Variants in SOX5 observed in about 807,000 individuals in gnomAD.
SOX5 encodes the protein SRY-box transcription factor 5, also known as transcription factor SOX-5.
A neutral mutation model predicts 92.0 loss-of-function variants in SOX5; 9 were observed. The observed-to-expected ratio is 0.10, with a 90% CI of 0.06 to 0.17. The LOEUF (loss-of-function observed/expected upper bound fraction) is 0.17, where lower values mean the gene tolerates loss of function less well. Ranked by LOEUF, SOX5 falls within the 10% of genes least tolerant of loss-of-function variation. SOX5 has a pLI of 1.00. For missense variants in SOX5, 642 were observed against 944.5 expected (o/e 0.68, Z 4.20); for synonymous variants, 344 against 336.3 (o/e 1.02, Z -0.25).
chr12:23,949,077 T>C lies in SOX5; in HGVS notation c.38+487A>G, dbSNP rs182705323. On this transcript the variant is annotated intron_variant, in intron 1 of 14. Transcript: ENST00000451604. ...ATCAACAAAAGGTCATGTGCTTTAC[T>C]GAGCAGCTTCCAAAGTTTTACGGAA... 9.8e-5 allele frequency among the ~76,000 whole-genome samples: 15 copies of C among 152,308 alleles called. No individual in the cohort carries two copies. The East Asian group carries it at 2.9e-3, about 29-fold the overall frequency.
At chr12:23,741,288 T>A (rs1205114824) in intron 4 of SOX5, among the ~76,000 whole-genome samples, 5 of 152,214 alleles carry the variant, frequency 3.3e-5, no homozygotes, top group African/African-American at 1.2e-4. Context: ...TGAAATTCCA[T>A]AATGACCAAA....
chr12:23,974,092 A>G (rs567851148), intron 4 of SOX5, among the ~76,000 whole-genome samples: 8 of 152,320 alleles, frequency 5.3e-5, no homozygotes, highest in African/African-American at 1.4e-4. Context: ...GTAAGAGATT[A>G]ATAACTAATA....
chr12:23,794,205 GGTTT>G (rs774297397), intron 3 of SOX5, among the ~76,000 whole-genome samples: 6 of 151,864 alleles, frequency 4.0e-5, no homozygotes, highest in Non-Finnish European at 7.4e-5. Flanking sequence ...GCTGTTTACT[GGTTT>G]ATTTTAGTGA....
intron 4 of SOX5, among the ~76,000 whole-genome samples, chr12:24,156,987 T>A (rs1952245066): frequency 6.6e-6 from 1 of 152,154 alleles, no homozygotes; most frequent in Admixed American, 6.6e-5. Context: ...TGTTTGTCCA[T>A]GATGATTACA....
chr12:24,533,088 T>A (rs1483103302), intron 1 of SOX5, among the ~76,000 whole-genome samples: 1 of 152,212 alleles, frequency 6.6e-6, no homozygotes, highest in Non-Finnish European at 1.5e-5. Flanking sequence ...TTTCAATACA[T>A]TATTTGTTTT....
At chr12:24,488,543 A>C (rs894357379) in intron 1 of SOX5, among the ~76,000 whole-genome samples, 2 of 152,176 alleles carry the variant, frequency 1.3e-5, no homozygotes, top group African/African-American at 4.8e-5. Context: ...CTATGATGGC[A>C]CCACTGCACT....
chr12:23,740,435 A>G (rs1018020417), intron 5 of SOX5, among the ~76,000 whole-genome samples: 6 of 152,168 alleles, frequency 3.9e-5, no homozygotes, highest in African/African-American at 1.4e-4. Flanking sequence ...TTAAAGTATT[A>G]TAATGGCCTT....
chr12:24,309,179 C>T (rs113524027), intron 2 of SOX5, among the ~76,000 whole-genome samples: 3 of 152,304 alleles, frequency 2.0e-5, no homozygotes, highest in African/African-American at 7.2e-5. Flanking sequence ...CTTGGGGAGC[C>T]TCCATCTCAA....
Position 23,624,575 on chromosome 12 carries a change from G to A in SOX5, c.1017+16237C>T, listed in dbSNP as rs192462126. ...AAAGCAGTTATAAAATGGAGGGAGC[G>A]AAAGAACACCTATTACAATGTAAGA... is the stretch of plus-strand genomic sequence containing the variant. On this transcript the variant is annotated intron_variant, in intron 8 of 14. Coordinates refer to ENST00000451604, the MANE Select transcript of SOX5 (RefSeq NM_006940.6). Among the ~76,000 whole-genome samples the A allele has an allele frequency of 7.1e-3, 1,079 of 152,204 alleles. 9 individuals are homozygous for A. The highest frequency in any genetic ancestry group is 0.023 in the African/African-American group (964 of 41,502).
intron 4 of SOX5, among the ~76,000 whole-genome samples, chr12:24,031,320 T>C (rs1052358678): frequency 2.0e-5 from 3 of 151,736 alleles, no homozygotes; most frequent in Non-Finnish European, 4.4e-5. Flanking sequence ...CAGTGGTAGA[T>C]GAATGGATAA....
chr12:23,721,037 G>A (rs1031328203), intron 6 of SOX5, among the ~76,000 whole-genome samples: 3 of 151,840 alleles, frequency 2.0e-5, no homozygotes, highest in African/African-American at 4.8e-5. Context: ...AAGCTGGACC[G>A]AATTATCTCT....
At chr12:24,552,213 C>A (rs1473344113) in intron 1 of SOX5, among the ~76,000 whole-genome samples, 1 of 151,024 alleles carries the variant, frequency 6.6e-6, no homozygotes, top group Non-Finnish European at 1.5e-5. Flanking sequence ...ACCACATTAT[C>A]AAAAAAAAAG....
At chr12:24,310,756 A>T (rs907409634) in intron 2 of SOX5, among the ~76,000 whole-genome samples, 1 of 152,230 alleles carries the variant, frequency 6.6e-6, no homozygotes, top group Admixed American at 6.5e-5. Flanking sequence ...CAGTATGGTC[A>T]AGTCATATGA....
At chr12:23,775,231 T>C (rs999913577) in intron 3 of SOX5, among the ~76,000 whole-genome samples, 1 of 152,232 alleles carries the variant, frequency 6.6e-6, no homozygotes, top group African/African-American at 2.4e-5. Context: ...ACTTATTGAC[T>C]GTTTAAAATG....
chr12:24,197,964 C>T (rs765006254), intron 4 of SOX5, among the ~76,000 whole-genome samples: 4 of 152,180 alleles, frequency 2.6e-5, no homozygotes, highest in Non-Finnish European at 4.4e-5. Context: ...CATGAACTTG[C>T]TCATCTGTAA....
intron 1 of SOX5, among the ~76,000 whole-genome samples, chr12:24,550,737 G>T (rs779350099): frequency 5.9e-5 from 9 of 152,182 alleles, no homozygotes; most frequent in African/African-American, 2.2e-4. Context: ...GAAGAAAGAG[G>T]CTGCATAGAT....
intron 3 of SOX5, among the ~76,000 whole-genome samples, chr12:24,257,620 C>T (rs895619836): frequency 3.9e-5 from 6 of 151,992 alleles, no homozygotes; most frequent in Non-Finnish European, 7.4e-5. Flanking sequence ...AGGCACGCAC[C>T]ACCACGACTG....
At position 24,376,690 on chromosome 12, in the gene SOX5, C is replaced by CTTTT. The variant is rs1164391418; in HGVS notation, c.-250-8055_-250-8052dup. 6.2e-4 allele frequency among the ~76,000 whole-genome samples: 44 copies of CTTTT among 70,612 alleles called. 4 individuals are homozygous for CTTTT. The highest frequency in any genetic ancestry group is 7.2e-4 in the Non-Finnish European group (28 of 38,960). The allele number at this position is 70,612 out of a possible 152,430, so 46.3% of individuals were successfully genotyped here. A position where few individuals can be genotyped will look rare whatever the true frequency, so the allele number is the denominator to read the frequency against. ...CAGAATGATGCTATGGGAGAGATAC[C>CTTTT]TTTTTTTTTTTTTTTTTTTTTTTTT... On this transcript the variant is annotated intron_variant, in intron 1 of 4. Transcript: ENST00000446891.
intron 4 of SOX5, among the ~76,000 whole-genome samples, chr12:24,181,379 A>G (rs1955480895): frequency 1.3e-5 from 2 of 152,314 alleles, no homozygotes; most frequent in South Asian, 4.1e-4. Context: ...GCATTCACTA[A>G]GGATGACCAG....
Sources: allele counts gnomAD v4.1 joint callset (sites outside exome capture counted in the v4.1 genomes callset), GRCh38; gene constraint gnomAD v4.1.1; transcripts MANE v1.5; gene names NCBI Gene and HGNC (gene_info 2026-07-23, HGNC 2026-07-21).